The following TMEM232 variants were observed in gnomAD, a reference collection of about 807,000 sequenced individuals.
TMEM232 encodes the protein transmembrane protein 232.
TMEM232 carries 80 observed loss-of-function variants against 78.8 expected under a neutral mutation model. That is an observed-to-expected ratio of 1.01 (90% CI 0.85 to 1.22). The LOEUF (loss-of-function observed/expected upper bound fraction) is 1.22. Ranked by LOEUF, TMEM232 falls within the 50% of genes most tolerant of loss-of-function variation. The pLI is 0.00. For synonymous variants in TMEM232, 297 were observed against 254.3 expected, an observed-to-expected ratio of 1.17 and a Z score of -1.60; for missense variants, 881 against 742.2, an observed-to-expected ratio of 1.19 and a Z score of -2.17.
intron 8 of TMEM232, among the ~76,000 whole-genome samples, chr5:110,616,273 T>C (rs1436802403): frequency 1.3e-5 from 2 of 152,032 alleles, no homozygotes; most frequent in South Asian, 2.1e-4. Flanking sequence ...CATGCATTTA[T>C]GGTCAATTCA....
intron 13 of TMEM232, among the ~76,000 whole-genome samples, chr5:110,423,697 A>C (rs1045378434): frequency 6.6e-6 from 1 of 151,810 alleles, no homozygotes; most frequent in Non-Finnish European, 1.5e-5. Context: ...GGTTGTTAGG[A>C]GCTATCTCTG....
At chr5:110,659,897 A>G (rs1460427977) in intron 2 of TMEM232, among the ~76,000 whole-genome samples, 2 of 152,140 alleles carry the variant, frequency 1.3e-5, no homozygotes, top group Non-Finnish European at 2.9e-5. Context: ...TGGAAAATGG[A>G]GAATAAAGAG....
chr5:110,559,832 A>T (rs559826668), intron 11 of TMEM232, among the ~76,000 whole-genome samples: 1 of 152,286 alleles, frequency 6.6e-6, no homozygotes, highest in Non-Finnish European at 1.5e-5. Flanking sequence ...GAGGGCTTTG[A>T]GGAAGAATCA....
At chr5:110,700,131 C>T (rs921371135) in intron 1 of TMEM232, among the ~76,000 whole-genome samples, 2 of 152,132 alleles carry the variant, frequency 1.3e-5, no homozygotes, top group East Asian at 1.9e-4. Context: ...TAAATTGTTT[C>T]GCACAAATAA....
chr5:110,721,102 C>T (rs1395242616), intron 1 of TMEM232, among the ~76,000 whole-genome samples: 2 of 151,942 alleles, frequency 1.3e-5, no homozygotes, highest in East Asian at 3.9e-4. Context: ...AAGTTATTCC[C>T]GGTAAAGTTA....
At chr5:110,711,570 T>C (rs1796482879) in intron 1 of TMEM232, among the ~76,000 whole-genome samples, 1 of 152,060 alleles carries the variant, frequency 6.6e-6, no homozygotes, top group Non-Finnish European at 1.5e-5. Context: ...CAGCATGGTA[T>C]TGGCATAAAA....
At chr5:110,732,229 C>T (rs1429259372) in intron 2 of TMEM232, among the ~76,000 whole-genome samples, 1 of 152,218 alleles carries the variant, frequency 6.6e-6, no homozygotes, top group African/African-American at 2.4e-5. Context: ...ACTGACAAGT[C>T]TCTAAGAGGT....
At chr5:110,508,457 G>T (rs1299787728) in intron 12 of TMEM232, among the ~76,000 whole-genome samples, 2 of 151,092 alleles carry the variant, frequency 1.3e-5, no homozygotes, top group Non-Finnish European at 2.9e-5. Context: ...ATCTTGAGGG[G>T]TAATAAAGAT....
chr5:110,549,179 T>C (rs1485362692), intron 11 of TMEM232, among the ~76,000 whole-genome samples: 4 of 151,860 alleles, frequency 2.6e-5, no homozygotes, highest in Non-Finnish European at 5.9e-5. Context: ...CACAAATCTA[T>C]GACAAGGAAT....
chr5:110,594,226 C>A (rs1779879446), intron 10 of TMEM232, among the ~76,000 whole-genome samples: 1 of 151,916 alleles, frequency 6.6e-6, no homozygotes, highest in African/African-American at 2.4e-5. Flanking sequence ...CTTCCCTAGC[C>A]AGGAGAAGCC....
intron 12 of TMEM232, among the ~76,000 whole-genome samples, chr5:110,491,331 C>T (rs187764798): frequency 6.6e-6 from 1 of 152,110 alleles, no homozygotes; most frequent in East Asian, 1.9e-4. Flanking sequence ...CAACTTTTAA[C>T]ATGCATGTGG....
At chr5:110,710,699 T>C (rs1796385137) in intron 1 of TMEM232, among the ~76,000 whole-genome samples, 1 of 152,014 alleles carries the variant, frequency 6.6e-6, no homozygotes, top group Admixed American at 6.5e-5. Flanking sequence ...CCTTTTATGA[T>C]AAAATTCAAC....
At chr5:110,506,282 TTTTG>T (rs1474267460) in intron 12 of TMEM232, among the ~76,000 whole-genome samples, 4 of 152,298 alleles carry the variant, frequency 2.6e-5, no homozygotes, top group East Asian at 1.9e-4. Flanking sequence ...TTTTTGTTTG[TTTTG>T]TTTGTTTTGG....
intron 11 of TMEM232, among the ~76,000 whole-genome samples, chr5:110,548,475 T>A (rs1036185290): frequency 1.4e-4 from 21 of 151,326 alleles, no homozygotes; most frequent in African/African-American, 5.1e-4. Context: ...GAATTTATTT[T>A]GTAAAATCAG....
chr5:110,530,817 A>T (rs1191684972), intron 11 of TMEM232, among the ~76,000 whole-genome samples: 1 of 152,230 alleles, frequency 6.6e-6, no homozygotes, highest in Non-Finnish European at 1.5e-5. Flanking sequence ...AGTTAATACA[A>T]ATACATCATA....
At chr5:110,485,545 G>A (rs1035083937) in intron 12 of TMEM232, among the ~76,000 whole-genome samples, 1 of 152,092 alleles carries the variant, frequency 6.6e-6, no homozygotes, top group Non-Finnish European at 1.5e-5. Flanking sequence ...ACATATCAGT[G>A]AGAACATACA....
At chr5:110,419,232 T>C (rs900432644), downstream of TMEM232, among the ~76,000 whole-genome samples, 1 of 152,046 alleles carries the variant, frequency 6.6e-6, no homozygotes, top group Non-Finnish European at 1.5e-5. Flanking sequence ...GAAAGGTATA[T>C]TGGGAGATAT....
intron 12 of TMEM232, among the ~76,000 whole-genome samples, chr5:110,499,833 T>A (rs1200170713): frequency 2.6e-5 from 4 of 152,154 alleles, no homozygotes; most frequent in Admixed American, 2.6e-4. Flanking sequence ...CTTTAATCGA[T>A]AAAATTTTAA....
At chr5:110,633,079 T>G (rs1413886792) in intron 5 of TMEM232, among the ~76,000 whole-genome samples, 1 of 152,004 alleles carries the variant, frequency 6.6e-6, no homozygotes, top group African/African-American at 2.4e-5. Flanking sequence ...ATATTCAAAT[T>G]GCTGCAAGAA....
Sources: gnomAD v4.1 joint callset for allele counts (sites outside exome capture counted in the v4.1 genomes callset) on GRCh38, gnomAD v4.1.1 for gene constraint, MANE v1.5 for transcripts, NCBI Gene and HGNC (gene_info 2026-07-23, HGNC 2026-07-21) for gene names.